The following ANKRD18A variants were observed in gnomAD, a reference collection of about 807,000 sequenced individuals.
ANKRD18A encodes ankyrin repeat domain-containing protein 18A.
In ANKRD18A, 72 loss-of-function variants were observed where a neutral mutation model predicts 110.6. The observed-to-expected ratio is 0.65, with a 90% CI of 0.54 to 0.79. The LOEUF is 0.79. ANKRD18A is among the 30% of genes least tolerant of loss of function. The pLI, the probability that ANKRD18A is intolerant of heterozygous loss-of-function variation, is 0.00. For missense variants in ANKRD18A, 934 were observed against 1,163.3 expected (o/e 0.80, Z 2.87); for synonymous variants, 305 against 410.3 (o/e 0.74, Z 3.10).
At chr9:38,588,273 G>GGTCT (rs1239375159) in intron 11 of ANKRD18A, among the ~76,000 whole-genome samples, 3 of 151,776 alleles carry the variant, frequency 2.0e-5, no homozygotes, top group Non-Finnish European at 2.9e-5. Context: ...TATGACACAT[G>GGTCT]GTCTCATCCA....
chr9:38,616,480 T>C (rs1303353662), intron 1 of ANKRD18A, among the ~76,000 whole-genome samples: 1 of 152,232 alleles, frequency 6.6e-6, no homozygotes, highest in African/African-American at 2.4e-5. Flanking sequence ...TGAGACACGG[T>C]CTTGCTCTGT....
In ANKRD18A at chr9:38,578,486, T is replaced by C. The variant is rs1824009887; in HGVS notation, c.2248-338A>G. 2.0e-5 allele frequency among the ~76,000 whole-genome samples: 3 copies of C among 152,224 alleles called. No homozygotes were observed. The East Asian group carries it at 5.8e-4, about 29-fold the overall frequency. ...GTCTAACCCTCTTCCCTCATCATCA[T>C]TCCCCAAAATTTGTCAAAAAAACTT... On this transcript the variant is annotated intron_variant, in intron 12 of 15. Coordinates refer to ENST00000399703, the MANE Select transcript of ANKRD18A (RefSeq NM_147195.4).
At chr9:38,568,139 C>T (rs1429071045), downstream of ANKRD18A, 2 of 152,630 alleles carry the variant, frequency 1.3e-5, no homozygotes, top group Non-Finnish European at 2.9e-5. Context: ...GGTTCATCCA[C>T]GAGATTGGGC....
At chr9:38,613,177 G>A (rs1277724044) in intron 3 of ANKRD18A, among the ~76,000 whole-genome samples, 1 of 151,788 alleles carries the variant, frequency 6.6e-6, no homozygotes, top group Non-Finnish European at 1.5e-5. Context: ...GGGCACAGTA[G>A]CAAACTGGAG....
At chr9:38,575,734 A>C (rs1316416206) in intron 14 of ANKRD18A, 36 bp from the exon 15 acceptor site, 8 of 1,508,984 alleles carry the variant, frequency 5.3e-6, no homozygotes, top group African/African-American at 4.2e-5. Flanking sequence ...TTAGTATTTC[A>C]TTTTTCCTTG....
chr9:38,610,561 G>T (rs918844207), intron 4 of ANKRD18A, among the ~76,000 whole-genome samples, 151 bp from the exon 5 acceptor site: 8 of 152,088 alleles, frequency 5.3e-5, no homozygotes, highest in Non-Finnish European at 8.8e-5. Context: ...AAGCATCTTG[G>T]GTGCTCAAGT....
At chr9:38,581,934 A>G (rs1057406655) in intron 12 of ANKRD18A, among the ~76,000 whole-genome samples, 129 of 152,362 alleles carry the variant, frequency 8.5e-4, no homozygotes, top group African/African-American at 2.9e-3. Context: ...TCTCTGTTTC[A>G]GTAATAGGAG....
chr9:38,594,712 T>C (rs1441084158), intron 9 of ANKRD18A, among the ~76,000 whole-genome samples: 5 of 152,026 alleles, frequency 3.3e-5, no homozygotes, highest in African/African-American at 1.2e-4. Flanking sequence ...AAAATACATA[T>C]AAGAGAGAGC....
downstream of ANKRD18A, chr9:38,567,175 T>A (rs1176129389): frequency 6.6e-6 from 1 of 152,218 alleles, no homozygotes; most frequent in African/African-American, 2.4e-5. Flanking sequence ...GTGTAGGAAT[T>A]CATAGCATGG....
At chr9:38,591,536 A>C (rs567175413) in intron 10 of ANKRD18A, among the ~76,000 whole-genome samples, 3 of 152,280 alleles carry the variant, frequency 2.0e-5, no homozygotes, top group Non-Finnish European at 2.9e-5. Context: ...AAGCACTTAG[A>C]AGAGTACATG....
intron 10 of ANKRD18A, among the ~76,000 whole-genome samples, chr9:38,589,330 T>C (rs766698006): frequency 1.3e-5 from 2 of 152,268 alleles, no homozygotes; most frequent in African/African-American, 2.4e-5. Flanking sequence ...TCATCACTTA[T>C]TGTGTTTTTA....
intron 12 of ANKRD18A, among the ~76,000 whole-genome samples, chr9:38,580,620 T>C (rs971728964): frequency 1.3e-5 from 2 of 151,506 alleles, no homozygotes; most frequent in African/African-American, 4.9e-5. Flanking sequence ...TGAAAAATGA[T>C]TGAAGTAGTA....
At chr9:38,620,011 G>GGGGCTGCC (rs1316613290) in intron 1 of ANKRD18A, 69 bp downstream of exon 1, 21 of 1,528,844 alleles carry the variant, frequency 1.4e-5, no homozygotes, top group Admixed American at 2.1e-5. Flanking sequence ...CCCCGCCCCA[G>GGGGCTGCC]GGGCTGCCGG....
chr9:38,604,068 G>A (rs1201662173), intron 6 of ANKRD18A: 1 of 152,360 alleles, frequency 6.6e-6, no homozygotes, highest in African/African-American at 2.4e-5. Flanking sequence ...GGGAGGCTGA[G>A]GCAGGCGGAT....
Position 38,596,440 on chromosome 9 carries a change from A to G in ANKRD18A, c.937-37T>C, listed in dbSNP as rs1360326863. ...AAAACAAATTTTTAGTTAGCACTCA[A>G]TAAAATAATCTATGATGGTTATTTC... On this transcript the variant is annotated intron_variant, in intron 8 of 15. Transcript: ENST00000399703. The G allele has an allele frequency of 2.9e-6, 4 of 1,375,934 alleles. No homozygotes were observed. In the Admixed American group the frequency reaches 9.8e-5, roughly 34 times the overall value. The allele number at this position is 1,375,934 out of a possible 1,614,324, so 85.2% of individuals were successfully genotyped here.
chr9:38,606,455 A>G (rs1228577206), intron 6 of ANKRD18A, among the ~76,000 whole-genome samples: 2 of 152,230 alleles, frequency 1.3e-5, no homozygotes, highest in Non-Finnish European at 2.9e-5. Context: ...GTTTATGAAC[A>G]GTAAGTATAT....
Position 38,593,678 on chromosome 9 carries a change from C to A in ANKRD18A, c.2004+82G>T, listed in dbSNP as rs1020770638. The stretch of plus-strand genomic sequence containing the variant: ...TAATAAAATATAAAATCAAGCTGTC[C>A]ACTGAAATTAGTATCCTAAGACACT... On this transcript the variant is annotated intron_variant, in intron 10 of 15. Coordinates refer to ENST00000399703, the MANE Select transcript of ANKRD18A (RefSeq NM_147195.4). The A allele has an allele frequency of 1.4e-5, 17 of 1,228,042 alleles. No individual in the cohort carries two copies. In the African/African-American group the frequency reaches 2.5e-4, roughly 18 times the overall value. 76.1% of individuals were successfully genotyped at this position (1,228,042 alleles called of 1,614,324 possible). A position where few individuals can be genotyped will look rare whatever the true frequency, so the allele number is the denominator to read the frequency against.
chr9:38,586,569 G>C (rs12002430), intron 11 of ANKRD18A, among the ~76,000 whole-genome samples: 1 of 150,996 alleles, frequency 6.6e-6, no homozygotes, highest in South Asian at 2.1e-4. Context: ...TTTTTTGTTT[G>C]TTTTTGTTTT....
chr9:38,610,582 T>A (rs139623283), intron 4 of ANKRD18A, among the ~76,000 whole-genome samples, 172 bp from the exon 5 acceptor site: 5,155 of 152,256 alleles, frequency 0.034, 267 homozygotes, highest in African/African-American at 0.12. Flanking sequence ...GTTCATCTTG[T>A]TAAATTACCA....
Sources: allele counts gnomAD v4.1 joint callset (sites outside exome capture counted in the v4.1 genomes callset), GRCh38; gene constraint gnomAD v4.1.1; transcripts MANE v1.5; gene names NCBI Gene and HGNC (gene_info 2026-07-23, HGNC 2026-07-21).